The following GABRA2 variants were observed in gnomAD, a reference collection of about 807,000 sequenced individuals.
The protein encoded by GABRA2 is gamma-aminobutyric acid type A receptor subunit alpha2, also known as gamma-aminobutyric acid receptor subunit alpha-2.
Under a neutral mutation model 48.7 loss-of-function variants are expected in GABRA2, and 16 were observed. That is an observed-to-expected ratio of 0.33 (90% CI 0.22 to 0.50). The LOEUF (loss-of-function observed/expected upper bound fraction) is 0.50. GABRA2 is among the 20% of genes least tolerant of loss of function. GABRA2 has a pLI of 0.98. For synonymous variants in GABRA2, 185 were observed against 184.5 expected (o/e 1.00, Z -0.02); for missense variants, 275 against 535.6 (o/e 0.51, Z 4.80).
rs1560482683 is a variant in GABRA2 at position 46,289,912 on chromosome 4, T to TTATTTATTTATTTTTA, written c.856+13547_856+13548insTAAAAATAAATAAATA. On this transcript the variant is annotated intron_variant, in intron 8 of 9. Coordinates refer to ENST00000381620, the MANE Select transcript of GABRA2 (RefSeq NM_000807.4). ...ATTTATTTATTTATTTATTTATTTTTATTTTTTTTTTTTTTTTGAGACTGA... is the reference window on the plus strand; with the variant it reads ...ATTTATTTATTTATTTATTTATTTTTTATTTATTTATTTTTAATTTTTTTTTTTTTTTTGAGACTGA... Among the ~76,000 whole-genome samples, 184 of 143,812 alleles carry TTATTTATTTATTTTTA rather than the reference T, an allele frequency of 1.3e-3. 3 individuals carry two copies. The highest frequency in any genetic ancestry group is 4.8e-3 in the African/African-American group (181 of 38,028). The allele number at this position is 143,812 out of a possible 152,430, so 94.3% of individuals were successfully genotyped here. A position where few individuals can be genotyped will look rare whatever the true frequency, so the allele number is the denominator to read the frequency against.
chr4:46,293,937 A>T (rs544755843), intron 8 of GABRA2, among the ~76,000 whole-genome samples: 14 of 152,206 alleles, frequency 9.2e-5, no homozygotes, highest in Non-Finnish European at 1.6e-4. Context: ...CTCCAATTGC[A>T]GCTGCTGTAC....
At chr4:46,339,546 G>A (rs1260724105) in intron 3 of GABRA2, among the ~76,000 whole-genome samples, 1 of 151,828 alleles carries the variant, frequency 6.6e-6, no homozygotes, top group East Asian at 1.9e-4. Context: ...CTATCATAAT[G>A]AAGCTTATTA....
At chr4:46,262,460 C>A (rs1452997611) in intron 8 of GABRA2, among the ~76,000 whole-genome samples, 1 of 152,030 alleles carries the variant, frequency 6.6e-6, no homozygotes, top group African/African-American at 2.4e-5. Context: ...GAAAAGCAGG[C>A]ACTTTAAATG....
chr4:46,362,382 T>C (rs1713348121), intron 3 of GABRA2, among the ~76,000 whole-genome samples: 1 of 152,150 alleles, frequency 6.6e-6, no homozygotes, highest in Non-Finnish European at 1.5e-5. Context: ...TTACAAGGCC[T>C]CCCCAGCCAC....
At chr4:46,319,008 C>T (rs1335496350) in intron 4 of GABRA2, among the ~76,000 whole-genome samples, 1 of 151,600 alleles carries the variant, frequency 6.6e-6, no homozygotes, top group Non-Finnish European at 1.5e-5. Context: ...TGACAGAACC[C>T]AGACAAAGAT....
intron 6 of GABRA2, among the ~76,000 whole-genome samples, chr4:46,308,315 G>GA (rs1046325578): frequency 7.9e-5 from 12 of 152,012 alleles, no homozygotes; most frequent in Admixed American, 2.6e-4. Flanking sequence ...TAAGCACACA[G>GA]AAAAAAAATG....
In GABRA2 at chr4:46,342,474, CACA is replaced by C. The variant is rs540340858; in HGVS notation, c.188-9795_188-9793del. 2.0e-3 allele frequency among the ~76,000 whole-genome samples: 310 copies of C among 152,150 alleles called. 4 individuals carry two copies. The highest frequency in any genetic ancestry group is 2.9e-4 in the Non-Finnish European group (20 of 67,986). On this transcript the variant is annotated intron_variant, in intron 3 of 9. Transcript: ENST00000381620. ...GCTGTGGCCTTATATTCATGACCCACACAACACTTCATAACCATAGCCTGTTAC... is the reference window on the plus strand; with the variant it reads ...GCTGTGGCCTTATATTCATGACCCACACACTTCATAACCATAGCCTGTTAC...
chr4:46,362,575 A>AC (rs1448566647), intron 3 of GABRA2, among the ~76,000 whole-genome samples: 2 of 152,240 alleles, frequency 1.3e-5, no homozygotes, highest in Non-Finnish European at 2.9e-5. Context: ...GGAGAGGTTA[A>AC]CTTACATTTC....
chr4:46,290,327 A>G (rs1723394252), intron 8 of GABRA2, among the ~76,000 whole-genome samples: 1 of 152,014 alleles, frequency 6.6e-6, no homozygotes, highest in South Asian at 2.1e-4. Context: ...TGAATTTTCT[A>G]CACGTATTAA....
chr4:46,246,683 G>T lies in GABRA2; in HGVS notation c.*3625C>A, dbSNP rs1560417757. On this transcript the variant is annotated 3_prime_UTR_variant, in exon 10 of 10. Coordinates refer to ENST00000381620, the MANE Select transcript of GABRA2 (RefSeq NM_000807.4). ...CATGCAGATGAATGTCAGTGTGCCA[G>T]GAGACTAATAACAATAATAATCTGT... Among the ~76,000 whole-genome samples, 1 of 151,196 alleles carries T rather than the reference G, an allele frequency of 6.6e-6. No individual in the cohort carries two copies. Among genetic ancestry groups the T allele is most frequent in the Non-Finnish European group, 1.5e-5 (1 of 67,454 alleles).
At chr4:46,371,620 A>G (rs1270308669) in intron 3 of GABRA2, among the ~76,000 whole-genome samples, 4 of 152,116 alleles carry the variant, frequency 2.6e-5, no homozygotes, top group African/African-American at 9.7e-5. Flanking sequence ...AGAGGATGAT[A>G]TAACTAAAGT....
At chr4:46,362,994 A>G (rs1341770465) in intron 3 of GABRA2, among the ~76,000 whole-genome samples, 1 of 152,192 alleles carries the variant, frequency 6.6e-6, no homozygotes, top group Non-Finnish European at 1.5e-5. Context: ...AATCTTTCCT[A>G]TTTAAGTAAA....
intron 3 of GABRA2, among the ~76,000 whole-genome samples, chr4:46,357,781 C>T (rs1736245561): frequency 6.6e-6 from 1 of 151,442 alleles, no homozygotes; most frequent in Non-Finnish European, 1.5e-5. Context: ...CTGCCTCAGC[C>T]TCCCGAGTAG....
chr4:46,373,691 A>G (rs1340183564), intron 3 of GABRA2, among the ~76,000 whole-genome samples: 2 of 152,152 alleles, frequency 1.3e-5, no homozygotes, highest in East Asian at 3.8e-4. Context: ...CTGCTTCCTT[A>G]AAAGTGACTC....
chr4:46,252,287 T>C (rs1714930469), intron 9 of GABRA2, among the ~76,000 whole-genome samples: 1 of 151,518 alleles, frequency 6.6e-6, no homozygotes. Flanking sequence ...AGCTACAAAA[T>C]ATCTCTTCTT....
At chr4:46,321,441 A>T (rs1729432853) in intron 4 of GABRA2, among the ~76,000 whole-genome samples, 1 of 152,038 alleles carries the variant, frequency 6.6e-6, no homozygotes, top group South Asian at 2.1e-4. Context: ...TTACTATTAT[A>T]AGTGCACTAA....
chr4:46,279,134 C>T (rs1721040434), intron 8 of GABRA2, among the ~76,000 whole-genome samples: 1 of 152,184 alleles, frequency 6.6e-6, no homozygotes, highest in East Asian at 1.9e-4. Flanking sequence ...GTCAGCTAAT[C>T]AATTGCAATG....
At chr4:46,379,759 T>C (rs1162236680) in intron 3 of GABRA2, among the ~76,000 whole-genome samples, 1 of 152,198 alleles carries the variant, frequency 6.6e-6, no homozygotes, top group Non-Finnish European at 1.5e-5. Context: ...TTGAGGAGAA[T>C]GCCAAACATC....
At chr4:46,275,221 A>G (rs761150446) in intron 8 of GABRA2, among the ~76,000 whole-genome samples, 19 of 152,118 alleles carry the variant, frequency 1.2e-4, no homozygotes, top group Non-Finnish European at 2.2e-4. Flanking sequence ...TTAAAAGGAT[A>G]TGATTCAGAT....
Sources: gnomAD v4.1 joint callset for allele counts (sites outside exome capture counted in the v4.1 genomes callset) on GRCh38, gnomAD v4.1.1 for gene constraint, MANE v1.5 for transcripts, NCBI Gene and HGNC (gene_info 2026-07-23, HGNC 2026-07-21) for gene names.